LSAMP: variants seen among roughly 807,000 people sequenced by gnomAD.
LSAMP encodes the protein limbic system-associated membrane protein.
LSAMP carries 7 observed loss-of-function variants against 38.6 expected under a neutral mutation model. The observed-to-expected ratio is 0.18, with a 90% confidence interval of 0.10 to 0.34. The LOEUF is 0.34. Among genes scored for constraint, LSAMP ranks in the 10% least tolerant of loss-of-function variants. The pLI is 1.00. For missense variants in LSAMP, 313 were observed against 420.0 expected, an observed-to-expected ratio of 0.75 and a Z score of 2.23; for synonymous variants, 154 against 166.8, an observed-to-expected ratio of 0.92 and a Z score of 0.59.
At chr3:116,120,872 T>C (rs1160946073) in intron 1 of LSAMP, among the ~76,000 whole-genome samples, 2 of 152,226 alleles carry the variant, frequency 1.3e-5, no homozygotes, top group Non-Finnish European at 2.9e-5. Context: ...GCTATCATCA[T>C]AACTGGAGGC....
intron 1 of LSAMP, among the ~76,000 whole-genome samples, chr3:116,280,737 A>G (rs1428639901): frequency 1.3e-5 from 2 of 152,216 alleles, no homozygotes; most frequent in Non-Finnish European, 2.9e-5. Flanking sequence ...TCTTTCCAAC[A>G]GTCGTGGTTC....
At chr3:116,057,616 GT>G (rs1941512927) in intron 2 of LSAMP, among the ~76,000 whole-genome samples, 1 of 152,098 alleles carries the variant, frequency 6.6e-6, no homozygotes, top group South Asian at 2.1e-4. Context: ...GAGGAGAGAG[GT>G]TGGCTCTTTT....
At chr3:116,367,648 G>A (rs1416062511) in intron 1 of LSAMP, among the ~76,000 whole-genome samples, 1 of 151,734 alleles carries the variant, frequency 6.6e-6, no homozygotes, top group Non-Finnish European at 1.5e-5. Context: ...GGGATTACAG[G>A]CATCGTCTGC....
chr3:115,844,353 C>T (rs974630127), intron 4 of LSAMP, among the ~76,000 whole-genome samples: 13 of 152,176 alleles, frequency 8.5e-5, no homozygotes, highest in African/African-American at 2.4e-4. Context: ...CTGATTTTGA[C>T]TCTACTTCTA....
chr3:115,945,172 T>G (rs955804120), intron 3 of LSAMP, among the ~76,000 whole-genome samples: 1 of 152,136 alleles, frequency 6.6e-6, no homozygotes, highest in Admixed American at 6.6e-5. Flanking sequence ...CTCACATACC[T>G]TCCCTTATTT....
At chr3:116,119,076 A>C (rs1299562139) in intron 1 of LSAMP, among the ~76,000 whole-genome samples, 1 of 152,146 alleles carries the variant, frequency 6.6e-6, no homozygotes, top group Non-Finnish European at 1.5e-5. Flanking sequence ...TGACATTATA[A>C]AATGCCATTT....
Position 116,062,572 on chromosome 3 carries a change from G to T in LSAMP, c.388+23752C>A, listed in dbSNP as rs189674943. Among the ~76,000 whole-genome samples, 410 of 152,060 alleles carry T rather than the reference G, an allele frequency of 2.7e-3. 4 individuals are homozygous for T. The highest frequency in any genetic ancestry group is 9.4e-3 in the African/African-American group (391 of 41,406). Reference sequence around the variant, plus strand: ...TCAGTGTGAAATCCAAAGTGCAGGAGGGTCTCTCTCTCTCTCTCCCTTTCT... The same window carrying T: ...TCAGTGTGAAATCCAAAGTGCAGGATGGTCTCTCTCTCTCTCTCCCTTTCT... On this transcript the variant is annotated intron_variant, in intron 2 of 6. Transcript: ENST00000490035.
At chr3:116,012,676 G>A (rs776993532) in intron 3 of LSAMP, among the ~76,000 whole-genome samples, 4 of 152,072 alleles carry the variant, frequency 2.6e-5, no homozygotes, top group Non-Finnish European at 4.4e-5. Context: ...AAAAATCCCC[G>A]TGGTTATTGT....
chr3:116,245,476 ACT>A (rs2046593357), intron 1 of LSAMP, among the ~76,000 whole-genome samples: 1 of 151,870 alleles, frequency 6.6e-6, no homozygotes, highest in African/African-American at 2.4e-5. Context: ...GGAATACAAA[ACT>A]CTTTAAAATT....
chr3:116,121,603 G>A (rs563397460), intron 1 of LSAMP, among the ~76,000 whole-genome samples: 138 of 152,106 alleles, frequency 9.1e-4, no homozygotes, highest in Non-Finnish European at 1.7e-3. Context: ...TAGGCAATAC[G>A]AGTACTAACT....
intron 1 of LSAMP, among the ~76,000 whole-genome samples, chr3:116,208,254 G>A (rs1183408104): frequency 7.9e-5 from 12 of 151,106 alleles, no homozygotes; most frequent in African/African-American, 2.9e-4. Flanking sequence ...AGCTCCATCA[G>A]CTCCTTTAAG....
chr3:115,942,921 G>C (rs1473666321), intron 3 of LSAMP, among the ~76,000 whole-genome samples: 1 of 152,140 alleles, frequency 6.6e-6, no homozygotes, highest in African/African-American at 2.4e-5. Flanking sequence ...TGCTTTATCA[G>C]ATCAATTTTA....
At chr3:116,077,280 A>G (rs978172205) in intron 2 of LSAMP, among the ~76,000 whole-genome samples, 33 of 151,990 alleles carry the variant, frequency 2.2e-4, no homozygotes, top group Non-Finnish European at 4.6e-4. Flanking sequence ...GTATGCTTGC[A>G]TTAGTCCTGA....
At position 115,846,451 on chromosome 3, in the gene LSAMP, AATAAT is replaced by A. The variant is rs373491557; in HGVS notation, c.650-3878_650-3874del. On this transcript the variant is annotated intron_variant, in intron 4 of 6. Transcript: ENST00000490035. ...AATATTGGGAATATTAGTATAAAAG[AATAAT>A]ATTCTGAATAGAAAATTTAATGTAT... Among the ~76,000 whole-genome samples, 3 of 152,218 alleles carry A rather than the reference AATAAT, an allele frequency of 2.0e-5. No individual in the cohort carries two copies. In the South Asian group the frequency reaches 6.2e-4, roughly 32 times the overall value.
At position 115,883,002 on chromosome 3, in the gene LSAMP, A is replaced by G. The variant is rs1400222828; in HGVS notation, c.515-30385T>C. Among the ~76,000 whole-genome samples the G allele has an allele frequency of 2.6e-5, 4 of 152,196 alleles. No homozygotes were observed. The South Asian group carries it at 6.2e-4, about 24-fold the overall frequency. ...AGATACTATAGATACTGTAGTTACA[A>G]TCTTCCATATAGATAACTATATGGA... On this transcript the variant is annotated intron_variant, in intron 3 of 6. Coordinates refer to ENST00000490035, the MANE Select transcript of LSAMP (RefSeq NM_002338.5).
At chr3:115,873,452 AAGG>A (rs1936102343) in intron 3 of LSAMP, among the ~76,000 whole-genome samples, 1 of 152,110 alleles carries the variant, frequency 6.6e-6, no homozygotes, top group African/African-American at 2.4e-5. Context: ...ACTAGGCTAA[AAGG>A]AGATCTATGG....
intron 1 of LSAMP, among the ~76,000 whole-genome samples, chr3:116,148,393 AGAGT>A (rs756958389): frequency 3.3e-5 from 5 of 151,984 alleles, no homozygotes; most frequent in Non-Finnish European, 5.9e-5. Flanking sequence ...TCAAATCAGC[AGAGT>A]GAGAGGCAAT....
chr3:115,963,240 C>T (rs1938688750), intron 3 of LSAMP, among the ~76,000 whole-genome samples: 1 of 152,084 alleles, frequency 6.6e-6, no homozygotes, highest in Non-Finnish European at 1.5e-5. Context: ...ATAATTAATC[C>T]AAATGATTGG....
intron 1 of LSAMP, among the ~76,000 whole-genome samples, chr3:116,385,959 A>G (rs2107806721): frequency 6.6e-6 from 1 of 151,310 alleles, no homozygotes; most frequent in East Asian, 1.9e-4. Flanking sequence ...ACAAATAACC[A>G]CCATTTACAG....
Sources: gnomAD v4.1 joint callset for allele counts (sites outside exome capture counted in the v4.1 genomes callset) on GRCh38, gnomAD v4.1.1 for gene constraint, MANE v1.5 for transcripts, NCBI Gene and HGNC (gene_info 2026-07-23, HGNC 2026-07-21) for gene names.